TAFA5: variants seen among roughly 807,000 people sequenced by gnomAD.
TAFA5 encodes the protein chemokine-like protein TAFA-5.
TAFA5 carries 6 observed loss-of-function variants against 15.3 expected under a neutral mutation model. That is an observed-to-expected ratio of 0.39 (90% CI 0.21 to 0.77). The LOEUF (loss-of-function observed/expected upper bound fraction) is 0.77, where lower values mean the gene tolerates loss of function less well. Among genes scored for constraint, TAFA5 ranks in the 30% least tolerant of loss-of-function variants. The pLI is 0.41. For synonymous variants in TAFA5, 103 were observed against 80.7 expected, an observed-to-expected ratio of 1.28 and a Z score of -1.48; for missense variants, 161 against 193.1, an observed-to-expected ratio of 0.83 and a Z score of 0.98.
chr22:48,622,232 C>G (rs1424227863), intron 1 of TAFA5, among the ~76,000 whole-genome samples: 2 of 152,102 alleles, frequency 1.3e-5, no homozygotes, highest in African/African-American at 4.8e-5. Context: ...GCTCTATCCC[C>G]AAAATATTTA....
chr22:48,713,527 G>A (rs1446691849), intron 3 of TAFA5, among the ~76,000 whole-genome samples: 1 of 152,232 alleles, frequency 6.6e-6, no homozygotes, highest in Non-Finnish European at 1.5e-5. Context: ...CTGCCGGCGA[G>A]TTCTGGAGGT....
rs920660433 is a variant in TAFA5, at chr22:48,742,471, C to G, written c.391-7368C>G. Among the ~76,000 whole-genome samples, 1 of 152,096 alleles carries G rather than the reference C, an allele frequency of 6.6e-6. No homozygotes were observed. The highest frequency in any genetic ancestry group is 1.5e-5 in the Non-Finnish European group (1 of 68,004). On this transcript the variant is annotated intron_variant, in intron 3 of 3. Coordinates refer to ENST00000402357, the MANE Select transcript of TAFA5 (RefSeq NM_001082967.3). This position sits in a 1 kb window ranked among gnomAD's most constrained non-coding sequence, Gnocchi z 6.2. Reference sequence around the variant, plus strand: ...GAGCGGGTGGTGCTGTGTGGCGGAGCTGGCGGCGCAGTGGAGCGGGCGTTG... The same window carrying G: ...GAGCGGGTGGTGCTGTGTGGCGGAGGTGGCGGCGCAGTGGAGCGGGCGTTG...
chr22:48,666,946 G>A (rs934035689), intron 2 of TAFA5, among the ~76,000 whole-genome samples: 2 of 152,130 alleles, frequency 1.3e-5, no homozygotes, highest in African/African-American at 2.4e-5. Flanking sequence ...GGGAGTGGGC[G>A]TCCAGAGAGT....
chr22:48,723,814 T>C (rs778628692), intron 3 of TAFA5, among the ~76,000 whole-genome samples: 1 of 152,238 alleles, frequency 6.6e-6, no homozygotes, highest in Non-Finnish European at 1.5e-5. Context: ...TCTGCTGTGC[T>C]CCTGGCCCTC....
At chr22:48,694,704 G>T (rs913038178) in intron 2 of TAFA5, among the ~76,000 whole-genome samples, 2 of 152,072 alleles carry the variant, frequency 1.3e-5, no homozygotes, top group Non-Finnish European at 2.9e-5. Flanking sequence ...CCCTGGCAAG[G>T]GCTGACCTAC....
rs1197219539 is a variant in TAFA5, at chr22:48,655,830, CTTT to C, written c.262+9109_262+9111del. On this transcript the variant is annotated intron_variant, in intron 2 of 3. Coordinates refer to ENST00000402357, the MANE Select transcript of TAFA5 (RefSeq NM_001082967.3). ...GGCTTCCTGAAGCCAAACACTGATTCTTTTTTTTTTTTTTTTTTTTTTTTTTTG... is the reference window on the plus strand; with the variant it reads ...GGCTTCCTGAAGCCAAACACTGATTCTTTTTTTTTTTTTTTTTTTTTTTTG... 6.3e-4 allele frequency among the ~76,000 whole-genome samples: 39 copies of C among 62,398 alleles called. No homozygotes were observed. In the South Asian group the frequency reaches 0.016, roughly 25 times the overall value. 40.9% of individuals were successfully genotyped at this position (62,398 alleles called of 152,430 possible).
At chr22:48,707,603 G>T in intron 2 of TAFA5, 114 bp from the exon 3 acceptor site, 1 of 1,306,842 alleles carries the variant, frequency 7.7e-7, no homozygotes, top group Non-Finnish European at 1.0e-6. Flanking sequence ...GTGGAGCCAC[G>T]CCGGGCATTG....
chr22:48,672,449 T>G (rs1018175708), intron 2 of TAFA5, among the ~76,000 whole-genome samples: 2 of 152,184 alleles, frequency 1.3e-5, no homozygotes, highest in African/African-American at 2.4e-5. Flanking sequence ...TTCCTTACAT[T>G]TATCAGGGGA....
Position 48,508,432 on chromosome 22 carries a change from G to A in TAFA5, c.112+18728G>A, listed in dbSNP as rs1414748438. Among the ~76,000 whole-genome samples, 3 of 152,330 alleles carry A rather than the reference G, an allele frequency of 2.0e-5. No individual in the cohort carries two copies. In the East Asian group the frequency reaches 5.8e-4, roughly 29 times the overall value. On this transcript the variant is annotated intron_variant, in intron 1 of 3. Transcript: ENST00000402357. ...GGAAGTAAGAAAAGGAACAGGGTGT[G>A]CCCAGGTGAGGGGGTTTCCCTCCAG...
At chr22:48,610,408 C>T (rs1287458689) in intron 1 of TAFA5, among the ~76,000 whole-genome samples, 2 of 152,258 alleles carry the variant, frequency 1.3e-5, no homozygotes, top group Admixed American at 6.5e-5. Flanking sequence ...CCCTGGCCGG[C>T]GTATAAATAA....
rs1056468743 is a variant in TAFA5 at position 48,560,350 on chromosome 22, G to T, written c.112+70646G>T. On this transcript the variant is annotated intron_variant, in intron 1 of 3. Coordinates refer to ENST00000402357, the MANE Select transcript of TAFA5 (RefSeq NM_001082967.3). This position sits in a 1 kb window ranked among gnomAD's most constrained non-coding sequence, Gnocchi z 4.2. Reference sequence around the variant, plus strand: ...CCTGGCATTCATATGGCCCCAGCAGGCCCCCCAGCATTTCCATTCTCGGCC... The same window carrying T: ...CCTGGCATTCATATGGCCCCAGCAGTCCCCCCAGCATTTCCATTCTCGGCC... 2.0e-5 allele frequency among the ~76,000 whole-genome samples: 3 copies of T among 152,110 alleles called. No homozygotes were observed. The highest frequency in any genetic ancestry group is 7.2e-5 in the African/African-American group (3 of 41,414).
At chr22:48,603,388 G>A (rs987608511) in intron 1 of TAFA5, among the ~76,000 whole-genome samples, 1 of 152,248 alleles carries the variant, frequency 6.6e-6, no homozygotes, top group African/African-American at 2.4e-5. Flanking sequence ...CACCACGCTG[G>A]GCAGCAAGCA....
chr22:48,596,306 G>C (rs781269215), intron 1 of TAFA5, among the ~76,000 whole-genome samples: 1 of 152,192 alleles, frequency 6.6e-6, no homozygotes, highest in Non-Finnish European at 1.5e-5. Flanking sequence ...TCCACGGCCC[G>C]TGTGTCTGGG....
chr22:48,751,769 C>G lies in TAFA5; in HGVS notation c.*1922C>G, dbSNP rs2147281926. 1 of 152,594 alleles carries G rather than the reference C, an allele frequency of 6.6e-6. No homozygotes were observed. Among genetic ancestry groups the G allele is most frequent in the South Asian group, 2.1e-4 (1 of 4,826 alleles). The allele number at this position is 152,594 out of a possible 1,614,324, so 9.5% of individuals were successfully genotyped here. A position where few individuals can be genotyped will look rare whatever the true frequency, so the allele number is the denominator to read the frequency against. ...CCTCTGCCAGCCAGCGTCCTCACGGCCTCCCCCTCGCCTGTTTCTTTTGAA... is the reference window on the plus strand; with the variant it reads ...CCTCTGCCAGCCAGCGTCCTCACGGGCTCCCCCTCGCCTGTTTCTTTTGAA... On this transcript the variant is annotated 3_prime_UTR_variant, in exon 4 of 4. Transcript: ENST00000402357.
intron 2 of TAFA5, chr22:48,693,352 C>T (rs1257454021): frequency 1.2e-6 from 2 of 1,612,328 alleles, no homozygotes; most frequent in Non-Finnish European, 1.7e-6. Flanking sequence ...GCACAAACAC[C>T]CGAAATGTAC....
intron 1 of TAFA5, among the ~76,000 whole-genome samples, chr22:48,633,130 C>T (rs1926293584): frequency 6.6e-6 from 1 of 152,180 alleles, no homozygotes; most frequent in Admixed American, 6.5e-5. Flanking sequence ...CCCGAAGAGC[C>T]AGGCCGCCCC....
intron 1 of TAFA5, among the ~76,000 whole-genome samples, chr22:48,574,034 G>A (rs1923675405): frequency 6.6e-6 from 1 of 152,226 alleles, no homozygotes; most frequent in Non-Finnish European, 1.5e-5. Context: ...GGCTCTGCGA[G>A]CCAGGCAGGG....
At chr22:48,736,213 T>C (rs113591071) in intron 3 of TAFA5, among the ~76,000 whole-genome samples, 1 of 62,812 alleles carries the variant, frequency 1.6e-5, no homozygotes. Context: ...GAGTCCAGAG[T>C]CCATCCCCCC....
At chr22:48,585,373 TACACCAC>T (rs1285251176) in intron 1 of TAFA5, among the ~76,000 whole-genome samples, 2 of 135,644 alleles carry the variant, frequency 1.5e-5, no homozygotes, top group African/African-American at 2.8e-5. Flanking sequence ...AAAATATTCA[TACACCAC>T]ACAGCACACA....
Sources: allele counts gnomAD v4.1 joint callset (sites outside exome capture counted in the v4.1 genomes callset), GRCh38; gene constraint gnomAD v4.1.1; non-coding constraint Gnocchi (gnomAD v3.1); transcripts MANE v1.5; gene names NCBI Gene and HGNC (gene_info 2026-07-23, HGNC 2026-07-21).